The following NTRK2 variants were observed in gnomAD, a reference collection of about 807,000 sequenced individuals.
The protein encoded by NTRK2 is BDNF/NT-3 growth factors receptor.
In NTRK2, 13 loss-of-function variants were observed where a neutral mutation model predicts 94.5. The observed-to-expected ratio is 0.14, with a 90% CI of 0.09 to 0.22. The LOEUF (loss-of-function observed/expected upper bound fraction) is 0.22. NTRK2 is among the 10% of genes least tolerant of loss of function. The pLI, the probability that NTRK2 is intolerant of heterozygous loss-of-function variation, is 1.00. For missense variants in NTRK2, 639 were observed against 1,071.2 expected (o/e 0.60, Z 5.63); for synonymous variants, 372 against 407.4 (o/e 0.91, Z 1.05).
At chr9:85,013,131 G>T (rs1347322985) in intron 17 of NTRK2, among the ~76,000 whole-genome samples, 1 of 152,136 alleles carries the variant, frequency 6.6e-6, no homozygotes. Context: ...CGGAGTGAGA[G>T]ATGAGGCAGA....
intron 17 of NTRK2, among the ~76,000 whole-genome samples, chr9:85,004,526 C>G (rs979924711): frequency 1.3e-5 from 2 of 152,110 alleles, no homozygotes; most frequent in Non-Finnish European, 2.9e-5. Context: ...ATCCTAAATG[C>G]CAATGATCTG....
chr9:84,936,033 T>C (rs975575413), intron 15 of NTRK2, among the ~76,000 whole-genome samples: 2 of 152,182 alleles, frequency 1.3e-5, no homozygotes, highest in Non-Finnish European at 2.9e-5. Context: ...GCATATTTTG[T>C]ACTGCCACCC....
At chr9:84,974,540 G>A (rs1320006995) in intron 17 of NTRK2, among the ~76,000 whole-genome samples, 1 of 152,088 alleles carries the variant, frequency 6.6e-6, no homozygotes, top group Non-Finnish European at 1.5e-5. Flanking sequence ...CCTTTTTAAG[G>A]CATAAAAGAA....
chr9:84,799,894 G>A lies in NTRK2; in HGVS notation c.1396+47809G>A, dbSNP rs188741974. Among the ~76,000 whole-genome samples, 6 of 152,234 alleles carry A rather than the reference G, an allele frequency of 3.9e-5. No homozygotes were observed. In the East Asian group the frequency reaches 9.6e-4, roughly 24 times the overall value. ...CTAAACCATGATATTCATTACCAAC[G>A]CAAGTCCCTAATTAATTTATTTTAT... is the stretch of plus-strand genomic sequence containing the variant. On this transcript the variant is annotated intron_variant, in intron 12 of 18. Transcript: ENST00000277120.
At chr9:84,974,847 C>T (rs543900270) in intron 17 of NTRK2, among the ~76,000 whole-genome samples, 10 of 152,244 alleles carry the variant, frequency 6.6e-5, no homozygotes, top group South Asian at 6.2e-4. Flanking sequence ...AGGAAGTCGC[C>T]GGCTGTTTGG....
At chr9:84,851,836 A>G (rs2074788163) in intron 12 of NTRK2, among the ~76,000 whole-genome samples, 1 of 152,244 alleles carries the variant, frequency 6.6e-6, no homozygotes. Context: ...GGTGCTTTGC[A>G]TGAGCTACAA....
chr9:84,770,838 G>A (rs537726363), intron 12 of NTRK2, among the ~76,000 whole-genome samples: 2 of 152,300 alleles, frequency 1.3e-5, no homozygotes, highest in East Asian at 3.9e-4. Context: ...CACAGAGCTA[G>A]TAATTGGTAG....
chr9:84,846,527 A>G (rs1236885058), intron 12 of NTRK2, among the ~76,000 whole-genome samples: 1 of 152,222 alleles, frequency 6.6e-6, no homozygotes, highest in African/African-American at 2.4e-5. Context: ...CAAAGTCTTC[A>G]CAACATGAAG....
chr9:84,911,445 A>G (rs984319044), intron 14 of NTRK2, among the ~76,000 whole-genome samples: 2 of 152,136 alleles, frequency 1.3e-5, no homozygotes, highest in Non-Finnish European at 2.9e-5. Flanking sequence ...CACAAATTCA[A>G]TTTCCTTAAA....
chr9:84,695,068 A>AC (rs2060290800), intron 2 of NTRK2, among the ~76,000 whole-genome samples: 2 of 142,828 alleles, frequency 1.4e-5, no homozygotes, highest in African/African-American at 2.6e-5. Context: ...AAAAAAAAAA[A>AC]AAAAAACACA....
chr9:84,950,143 C>T (rs1014808072), intron 16 of NTRK2, among the ~76,000 whole-genome samples: 1 of 152,114 alleles, frequency 6.6e-6, no homozygotes, highest in African/African-American at 2.4e-5. Flanking sequence ...AAGCTCTTAG[C>T]GTAGGAGCGA....
At chr9:84,860,942 G>A in intron 12 of NTRK2, 98 bp from the exon 13 acceptor site, 1 of 589,694 alleles carries the variant, frequency 1.7e-6, no homozygotes, top group Non-Finnish European at 3.0e-6. Context: ...TTTTTGTCGG[G>A]GGGAGTTTGT....
chr9:84,985,310 A>G (rs975133378), intron 17 of NTRK2, among the ~76,000 whole-genome samples: 1 of 152,204 alleles, frequency 6.6e-6, no homozygotes, highest in Non-Finnish European at 1.5e-5. Flanking sequence ...TATGTGGTTG[A>G]TGTGACTAAC....
chr9:84,775,588 A>C (rs2066953072), intron 12 of NTRK2, among the ~76,000 whole-genome samples: 1 of 152,184 alleles, frequency 6.6e-6, no homozygotes, highest in South Asian at 2.1e-4. Context: ...ATTTGGAATC[A>C]AGACAAATTT....
At chr9:84,746,328 G>A (rs1433228394) in intron 11 of NTRK2, among the ~76,000 whole-genome samples, 1 of 152,172 alleles carries the variant, frequency 6.6e-6, no homozygotes, top group Non-Finnish European at 1.5e-5. Context: ...TGGGGGTGGA[G>A]TAGTTGCAGC....
At chr9:84,851,507 G>C (rs1439429236) in intron 12 of NTRK2, among the ~76,000 whole-genome samples, 3 of 152,128 alleles carry the variant, frequency 2.0e-5, no homozygotes, top group Admixed American at 2.0e-4. Flanking sequence ...TCCATTATGG[G>C]AACTTCCTAA....
At chr9:84,730,740 C>CAGAAA (rs2062800535) in intron 9 of NTRK2, among the ~76,000 whole-genome samples, 1 of 14,936 alleles carries the variant, frequency 6.7e-5, no homozygotes, top group Non-Finnish European at 1.0e-4. Context: ...GACTCCGTCT[C>CAGAAA]AAAAAAAAAA....
chr9:84,758,761 A>G (rs1226397262), intron 12 of NTRK2, among the ~76,000 whole-genome samples: 1 of 152,228 alleles, frequency 6.6e-6, no homozygotes, highest in Non-Finnish European at 1.5e-5. Flanking sequence ...TAGAATAAAG[A>G]TATTTGAATA....
At chr9:84,772,617 G>A (rs545817691) in intron 12 of NTRK2, among the ~76,000 whole-genome samples, 1 of 152,258 alleles carries the variant, frequency 6.6e-6, no homozygotes, top group East Asian at 1.9e-4. Context: ...TAGTCTAGAG[G>A]AGGCCTGACA....
Sources: gnomAD v4.1 joint callset for allele counts (sites outside exome capture counted in the v4.1 genomes callset) on GRCh38, gnomAD v4.1.1 for gene constraint, MANE v1.5 for transcripts, NCBI Gene and HGNC (gene_info 2026-07-23, HGNC 2026-07-21) for gene names.